CUX1: variants seen among roughly 807,000 people sequenced by gnomAD.
CUX1 encodes the protein protein CASP.
CUX1 carries 31 observed loss-of-function variants against 158.8 expected under a neutral mutation model. The observed-to-expected ratio is 0.20, with a 90% confidence interval of 0.15 to 0.26. The LOEUF is 0.26. Among genes scored for constraint, CUX1 ranks in the 10% least tolerant of loss-of-function variants. CUX1 has a pLI of 1.00. For synonymous variants in CUX1, 879 were observed against 862.1 expected (o/e 1.02, Z -0.34); for missense variants, 1,589 against 2,014.6 (o/e 0.79, Z 4.04).
intron 11 of CUX1, among the ~76,000 whole-genome samples, chr7:102,180,179 T>C (rs962583707): frequency 6.6e-6 from 1 of 152,100 alleles, no homozygotes; most frequent in Admixed American, 6.6e-5. Flanking sequence ...CGCGCCACCA[T>C]GCCAGACTAA....
At chr7:101,913,342 G>A (rs1241843193) in intron 1 of CUX1, 43 of 1,262,930 alleles carry the variant, frequency 3.4e-5, no homozygotes, top group Middle Eastern at 2.2e-4. Flanking sequence ...ATATGTCTGC[G>A]GGCACGGGGA....
intron 22 of CUX1, chr7:102,282,928 C>T (rs1407384349): frequency 5.4e-6 from 4 of 737,510 alleles, no homozygotes; most frequent in Non-Finnish European, 9.2e-6. Context: ...CTCCCGGTAT[C>T]CACTACCCCC....
chr7:102,215,889 C>T (rs782369793), intron 20 of CUX1, among the ~76,000 whole-genome samples: 4 of 152,200 alleles, frequency 2.6e-5, no homozygotes, highest in South Asian at 2.1e-4. Context: ...AGGCTGCTCT[C>T]GGGGCAGACG....
chr7:101,918,489 G>A (rs931848166), intron 2 of CUX1, among the ~76,000 whole-genome samples: 2 of 152,248 alleles, frequency 1.3e-5, no homozygotes. Flanking sequence ...GGCAGATGAT[G>A]GAAGGTCACC....
rs1795407414 is a variant in CUX1 at position 102,201,311 on chromosome 7, G to A, written c.2063-49G>A. ...AGTTAGGATGAGAAGCATGTCCCCAGCTGAAGGGGGCCGCCCTGCCACACT... is the reference window on the plus strand; with the variant it reads ...AGTTAGGATGAGAAGCATGTCCCCAACTGAAGGGGGCCGCCCTGCCACACT... On this transcript the variant is annotated intron_variant, in intron 17 of 23. Transcript: ENST00000292535. This position sits in a 1 kb window ranked among gnomAD's most constrained non-coding sequence, Gnocchi z 5.0. The A allele has an allele frequency of 1.3e-6, 2 of 1,582,050 alleles. No individual in the cohort carries two copies. The highest frequency in any genetic ancestry group is 8.6e-7 in the Non-Finnish European group (1 of 1,163,242).
intron 10 of CUX1, among the ~76,000 whole-genome samples, chr7:102,172,314 AC>A (rs1403938156): frequency 6.6e-6 from 1 of 151,058 alleles, no homozygotes; most frequent in Non-Finnish European, 1.5e-5. Flanking sequence ...CTGGTCTTGA[AC>A]TCCTGTCCTC....
Position 102,073,281 on chromosome 7 carries a change from C to G in CUX1, c.268+2864C>G, listed in dbSNP as rs1826360358. ...CTTCGCCTCCCAGGTTCAAGCAATT[C>G]TCCTGCCTCAGCCTCCCACATAGCT... On this transcript the variant is annotated intron_variant, in intron 4 of 23. Transcript: ENST00000292535. Among the ~76,000 whole-genome samples the G allele has an allele frequency of 2.1e-5, 3 of 142,020 alleles. No individual in the cohort carries two copies. In the South Asian group the frequency reaches 7.3e-4, roughly 35 times the overall value. The allele number at this position is 142,020 out of a possible 152,430, so 93.2% of individuals were successfully genotyped here.
chr7:102,168,742 C>T (rs1057164325), intron 9 of CUX1, among the ~76,000 whole-genome samples: 2 of 151,810 alleles, frequency 1.3e-5, no homozygotes, highest in Non-Finnish European at 2.9e-5. Context: ...CAAAGCCACT[C>T]CTCCTAGAAC....
intron 2 of CUX1, among the ~76,000 whole-genome samples, chr7:101,921,897 C>T (rs912623558): frequency 1.3e-5 from 2 of 152,016 alleles, no homozygotes; most frequent in Non-Finnish European, 2.9e-5. Flanking sequence ...GTGGGAGGAT[C>T]GCTTCAGACC....
rs1054318779 is a variant in CUX1, at chr7:102,254,330, G to A, written c.*5288G>A. 7 of 985,380 alleles carry A rather than the reference G, an allele frequency of 7.1e-6. No individual in the cohort carries two copies. Among genetic ancestry groups the A allele is most frequent in the Middle Eastern group, 5.2e-4 (1 of 1,938 alleles). The allele number at this position is 985,380 out of a possible 1,614,324, so 61.0% of individuals were successfully genotyped here. Reference sequence around the variant, plus strand: ...CCAGCTGGCTTTGGGGAACACTGTAGCTCTTGGGTGTCTCTTGTCTCTGGC... The same window carrying A: ...CCAGCTGGCTTTGGGGAACACTGTAACTCTTGGGTGTCTCTTGTCTCTGGC... On this transcript the variant is annotated 3_prime_UTR_variant, in exon 24 of 24. Coordinates refer to ENST00000292535, the MANE Select transcript of CUX1 (RefSeq NM_181552.4).
At chr7:102,057,292 A>G (rs1824280019) in intron 3 of CUX1, among the ~76,000 whole-genome samples, 1 of 152,230 alleles carries the variant, frequency 6.6e-6, no homozygotes, top group South Asian at 2.1e-4. Flanking sequence ...TGTTGTTTCC[A>G]TGCCTGCTAA....
At chr7:101,897,274 CT>C (rs1227242950) in intron 1 of CUX1, among the ~76,000 whole-genome samples, 2 of 152,148 alleles carry the variant, frequency 1.3e-5, no homozygotes, top group African/African-American at 4.8e-5. Flanking sequence ...TCAGCCACCC[CT>C]GGGTGTGTTT....
chr7:102,018,757 C>G (rs916149583), intron 2 of CUX1, among the ~76,000 whole-genome samples: 5 of 152,096 alleles, frequency 3.3e-5, no homozygotes, highest in African/African-American at 9.7e-5. Flanking sequence ...CGTGCGTGCG[C>G]TGTATCTCTC....
At chr7:102,091,662 T>C (rs973137192) in intron 4 of CUX1, among the ~76,000 whole-genome samples, 1 of 151,926 alleles carries the variant, frequency 6.6e-6, no homozygotes, top group Admixed American at 6.6e-5. Context: ...CTAAAGAAAA[T>C]TATATAGCTC....
At chr7:102,002,142 A>T (rs1040963934) in intron 2 of CUX1, among the ~76,000 whole-genome samples, 2 of 152,050 alleles carry the variant, frequency 1.3e-5, no homozygotes, top group Non-Finnish European at 2.9e-5. Context: ...AAAAATATAT[A>T]TTTTTTAAAA....
At chr7:101,887,842 CATTTTT>C (rs1176117936) in intron 1 of CUX1, among the ~76,000 whole-genome samples, 73 of 135,046 alleles carry the variant, frequency 5.4e-4, no homozygotes, top group Middle Eastern at 3.8e-3. Context: ...ATGACGGTGA[CATTTTT>C]TTTTTTTTTT....
intron 2 of CUX1, among the ~76,000 whole-genome samples, chr7:101,917,373 G>A (rs1296448609): frequency 6.6e-6 from 1 of 152,220 alleles, no homozygotes; most frequent in Admixed American, 6.5e-5. Flanking sequence ...AAGCTTGGTA[G>A]CAGAGTAGAA....
At position 101,876,422 on chromosome 7, in the gene CUX1, C is replaced by T. The variant is rs147944713; in HGVS notation, c.31-39693C>T. Reference sequence around the variant, plus strand: ...CTATTGAAAATATCTTTCGGCTGGGCGCGCTGGCTCATGCCTGTAATCCCA... The same window carrying T: ...CTATTGAAAATATCTTTCGGCTGGGTGCGCTGGCTCATGCCTGTAATCCCA... On this transcript the variant is annotated intron_variant, in intron 1 of 23. Transcript: ENST00000292535. 6.9e-3 allele frequency among the ~76,000 whole-genome samples: 1,048 copies of T among 150,878 alleles called. 10 individuals are homozygous for T. The highest frequency in any genetic ancestry group is 0.024 in the African/African-American group (968 of 41,042).
intron 23 of CUX1, among the ~76,000 whole-genome samples, chr7:102,247,737 C>G (rs981958628): frequency 5.9e-5 from 9 of 152,352 alleles, no homozygotes; most frequent in African/African-American, 1.9e-4. Context: ...GGGAGGATCA[C>G]TCAAGCCCAG....
Sources: allele counts gnomAD v4.1 joint callset (sites outside exome capture counted in the v4.1 genomes callset), GRCh38; gene constraint gnomAD v4.1.1; non-coding constraint Gnocchi (gnomAD v3.1); transcripts MANE v1.5; gene names NCBI Gene and HGNC (gene_info 2026-07-23, HGNC 2026-07-21).